PRDM5: variants seen among roughly 807,000 people sequenced by gnomAD.
The protein encoded by PRDM5 is PR/SET domain 5, also known as PR domain zinc finger protein 5.
In PRDM5, 56 loss-of-function variants were observed where a neutral mutation model predicts 81.2. The observed-to-expected ratio is 0.69, with a 90% CI of 0.56 to 0.86. The LOEUF (loss-of-function observed/expected upper bound fraction) is 0.86, where lower values mean the gene tolerates loss of function less well. Ranked by LOEUF, PRDM5 falls within the 40% of genes least tolerant of loss-of-function variation. The probability of loss-of-function intolerance (pLI) is 0.00; values close to 1 mark genes in which losing one functional copy is unlikely to be tolerated. For synonymous variants in PRDM5, 267 were observed against 256.4 expected (o/e 1.04, Z -0.39); for missense variants, 697 against 770.1 (o/e 0.91, Z 1.12).
chr4:120,763,290 AT>A (rs1304015498), intron 13 of PRDM5, among the ~76,000 whole-genome samples: 3 of 152,224 alleles, frequency 2.0e-5, no homozygotes, highest in East Asian at 3.9e-4. Context: ...ACTGATGCAA[AT>A]TTTTTTAAAA....
intron 9 of PRDM5, 141 bp downstream of exon 9, chr4:120,799,520 T>C (rs1751814014): frequency 2.3e-6 from 3 of 1,324,462 alleles, no homozygotes; most frequent in Non-Finnish European, 2.0e-6. Context: ...AAATAACTTG[T>C]TCAGAATCAC....
chr4:120,707,195 A>G (rs189461947), intron 15 of PRDM5, among the ~76,000 whole-genome samples: 3 of 152,264 alleles, frequency 2.0e-5, no homozygotes, highest in East Asian at 3.9e-4. Context: ...GCAAAATACT[A>G]ACTGAATCTC....
chr4:120,903,409 AT>A (rs1194092041), intron 2 of PRDM5, among the ~76,000 whole-genome samples: 2 of 152,254 alleles, frequency 1.3e-5, no homozygotes, highest in African/African-American at 2.4e-5. Flanking sequence ...TAATAAAAAA[AT>A]AAAGGACTTT....
chr4:120,764,915 T>TC (rs1222280563), intron 13 of PRDM5, among the ~76,000 whole-genome samples: 2 of 152,138 alleles, frequency 1.3e-5, no homozygotes, highest in African/African-American at 4.8e-5. Context: ...CATATGGAGG[T>TC]CATCTAATTC....
chr4:120,921,909 T>C (rs1378257248), intron 1 of PRDM5, among the ~76,000 whole-genome samples: 1 of 151,060 alleles, frequency 6.6e-6, no homozygotes, highest in African/African-American at 2.4e-5. Flanking sequence ...CACTCAAAGA[T>C]CATCTGGTTG....
At chr4:120,786,738 G>C (rs1417226814) in intron 10 of PRDM5, among the ~76,000 whole-genome samples, 4 of 152,100 alleles carry the variant, frequency 2.6e-5, no homozygotes, top group Non-Finnish European at 5.9e-5. Context: ...TAAACTTAAA[G>C]CTCCAAAGCA....
chr4:120,896,635 A>G (rs1159883100), intron 2 of PRDM5: 1 of 150,928 alleles, frequency 6.6e-6, no homozygotes, highest in African/African-American at 2.4e-5. Context: ...CAATTTGTGC[A>G]ACATCCCTGT....
intron 8 of PRDM5, among the ~76,000 whole-genome samples, chr4:120,804,211 G>C (rs954285473): frequency 1.3e-5 from 2 of 152,148 alleles, no homozygotes; most frequent in Non-Finnish European, 2.9e-5. Flanking sequence ...CAAGTTCTTA[G>C]AGACCTACAA....
chr4:120,699,155 A>ATATAT (rs1734931871), intron 15 of PRDM5, among the ~76,000 whole-genome samples: 2 of 89,574 alleles, frequency 2.2e-5, no homozygotes, highest in Non-Finnish European at 4.3e-5. Flanking sequence ...AATTATAGGA[A>ATATAT]ATATAAATAT....
At position 120,795,908 on chromosome 4, in the gene PRDM5, A is replaced by C. The variant is rs569733476; in HGVS notation, c.1188+2359T>G. ...AGCCTGAGTGACAGAGTGAGACTCT[A>C]TTTCAAAAAATAAAAATAATTTCTG... On this transcript the variant is annotated intron_variant, in intron 10 of 15. Coordinates refer to ENST00000264808, the MANE Select transcript of PRDM5 (RefSeq NM_018699.4). 8.5e-5 allele frequency among the ~76,000 whole-genome samples: 13 copies of C among 152,290 alleles called. 1 individual carries two copies. In the South Asian group the frequency reaches 2.7e-3, roughly 32 times the overall value.
chr4:120,766,432 C>T (rs1746395557), intron 13 of PRDM5, among the ~76,000 whole-genome samples: 1 of 152,172 alleles, frequency 6.6e-6, no homozygotes, highest in Non-Finnish European at 1.5e-5. Flanking sequence ...CAATGTATTA[C>T]AAATACTAAT....
chr4:120,922,114 G>A (rs993292058), intron 1 of PRDM5, among the ~76,000 whole-genome samples: 1 of 152,222 alleles, frequency 6.6e-6, no homozygotes. Flanking sequence ...GCGTGCGCGC[G>A]GGGGAAAACA....
At chr4:120,730,971 C>T (rs1269742128) in intron 14 of PRDM5, among the ~76,000 whole-genome samples, 1 of 152,016 alleles carries the variant, frequency 6.6e-6, no homozygotes, top group East Asian at 1.9e-4. Context: ...CTGCCCAGGC[C>T]CTTAAAAAAA....
At chr4:120,863,887 G>C (rs917711453) in intron 2 of PRDM5, among the ~76,000 whole-genome samples, 1 of 152,174 alleles carries the variant, frequency 6.6e-6, no homozygotes, top group Non-Finnish European at 1.5e-5. Flanking sequence ...AATCTGGTTG[G>C]GAAGATGCAG....
At chr4:120,921,941 T>C (rs919077221) in intron 1 of PRDM5, among the ~76,000 whole-genome samples, 2 of 151,924 alleles carry the variant, frequency 1.3e-5, no homozygotes, top group African/African-American at 2.4e-5. Context: ...AAGGCACATA[T>C]AATACATTCC....
intron 3 of PRDM5, among the ~76,000 whole-genome samples, chr4:120,823,590 T>C (rs1468021168): frequency 6.6e-6 from 1 of 152,236 alleles, no homozygotes; most frequent in East Asian, 1.9e-4. Flanking sequence ...AGTCACTTCC[T>C]TGCATACACT....
Position 120,853,419 on chromosome 4 carries a change from T to C in PRDM5, c.299A>G (p.Gln100Arg), listed in dbSNP as rs1422530949. 1.9e-6 allele frequency: 3 copies of C among 1,613,588 alleles called. No homozygotes were observed. Among genetic ancestry groups the C allele is most frequent in the African/African-American group, 1.3e-5 (1 of 74,870 alleles). ...SQEQKNLAAI[Q>R]EGENIFYLAV... ...CAAATGAGAAGCAAATAAGCTCACT[T>C]GAATGGCAGCCAAGTTCTTCTGCTC... The change falls in exon 3 of 16, where the codon CAA becomes CGA. Residue 100 changes from glutamine (Q) to arginine (R), a missense_variant and splice_region_variant. Physicochemically the swap from Gln to Arg is conservative, Grantham distance 43. Around this residue, in one of 3 missense-constraint regions of PRDM5, gnomAD observed 577 missense variants for 606.7 expected, o/e 0.95. Transcript: ENST00000264808.
chr4:120,761,084 T>C (rs1203827699), intron 13 of PRDM5, among the ~76,000 whole-genome samples: 3 of 152,208 alleles, frequency 2.0e-5, no homozygotes, highest in Non-Finnish European at 4.4e-5. Context: ...CATCTCTGAA[T>C]TGGAGGTACT....
chr4:120,697,862 G>A (rs1413652973), intron 15 of PRDM5, among the ~76,000 whole-genome samples: 1 of 150,998 alleles, frequency 6.6e-6, no homozygotes, highest in Non-Finnish European at 1.5e-5. Context: ...AAGAAACATA[G>A]AGAAAAGAAA....
Sources: gnomAD v4.1 joint callset for allele counts (sites outside exome capture counted in the v4.1 genomes callset) on GRCh38, gnomAD v4.1.1 for gene constraint, gnomAD v4.1.1 regional missense constraint, MANE v1.5 for transcripts, NCBI Gene and HGNC (gene_info 2026-07-23, HGNC 2026-07-21) for gene names.